The following KCTD8 variants were observed in gnomAD, a reference collection of about 807,000 sequenced individuals.
KCTD8 encodes potassium channel tetramerization domain containing 8, also known as BTB/POZ domain-containing protein KCTD8.
In KCTD8, 27 loss-of-function variants were observed where a neutral mutation model predicts 31.5. The ratio of observed to expected loss-of-function variants is 0.86; its 90% CI spans 0.63 to 1.18. The LOEUF (loss-of-function observed/expected upper bound fraction) is 1.18, where lower values mean the gene tolerates loss of function less well. Among genes scored for constraint, KCTD8 ranks in the 50% most tolerant of loss-of-function variants. The pLI, the probability that KCTD8 is intolerant of heterozygous loss-of-function variation, is 0.00. For synonymous variants in KCTD8, 290 were observed against 280.0 expected (o/e 1.04, Z -0.36); for missense variants, 658 against 647.7 (o/e 1.02, Z -0.17).
intron 1 of KCTD8, among the ~76,000 whole-genome samples, chr4:44,397,340 A>G (rs76424389): frequency 0.067 from 10,213 of 152,226 alleles, 429 homozygotes; most frequent in South Asian, 0.11. Context: ...TCTAATACTC[A>G]TATACGTATA....
chr4:44,314,245 G>GA (rs914598499), intron 1 of KCTD8, among the ~76,000 whole-genome samples: 2 of 152,184 alleles, frequency 1.3e-5, no homozygotes, highest in African/African-American at 2.4e-5. Context: ...TTATTGGTGA[G>GA]AAAAAACAGA....
At chr4:44,360,382 G>A (rs17460995) in intron 1 of KCTD8, among the ~76,000 whole-genome samples, 12 of 151,888 alleles carry the variant, frequency 7.9e-5, no homozygotes, top group Non-Finnish European at 1.3e-4. Flanking sequence ...TGCCATCCAG[G>A]GTAAATAATA....
At chr4:44,273,600 T>C (rs28479461) in intron 1 of KCTD8, among the ~76,000 whole-genome samples, 82,812 of 151,634 alleles carry the variant, frequency 0.55, 23,509 homozygotes, top group African/African-American at 0.72. Flanking sequence ...AGAAAAATTT[T>C]CCTAAATTAA....
At chr4:44,409,957 G>A (rs998116303) in intron 1 of KCTD8, among the ~76,000 whole-genome samples, 3 of 152,032 alleles carry the variant, frequency 2.0e-5, no homozygotes, top group Non-Finnish European at 2.9e-5. Context: ...AGTTTCCTCA[G>A]CCTTACATAT....
chr4:44,272,602 C>T (rs1454786166), intron 1 of KCTD8, among the ~76,000 whole-genome samples: 1 of 152,026 alleles, frequency 6.6e-6, no homozygotes, highest in East Asian at 1.9e-4. Flanking sequence ...TAACAATAAA[C>T]TCTCACACAT....
At chr4:44,337,403 C>T (rs1027475212) in intron 1 of KCTD8, among the ~76,000 whole-genome samples, 11 of 151,852 alleles carry the variant, frequency 7.2e-5, no homozygotes, top group Non-Finnish European at 8.8e-5. Flanking sequence ...CAGCTGGGCA[C>T]GGTGGTTCAC....
chr4:44,273,368 A>T (rs977570017), intron 1 of KCTD8, among the ~76,000 whole-genome samples: 4 of 152,006 alleles, frequency 2.6e-5, no homozygotes, highest in African/African-American at 9.7e-5. Context: ...TATGTACATT[A>T]ACAAAGCTGT....
At chr4:44,442,447 C>T (rs1261728353) in intron 1 of KCTD8, among the ~76,000 whole-genome samples, 4 of 151,934 alleles carry the variant, frequency 2.6e-5, no homozygotes, top group East Asian at 3.9e-4. Flanking sequence ...ATTAGCTGGG[C>T]GTGGTGGCAG....
intron 1 of KCTD8, among the ~76,000 whole-genome samples, chr4:44,310,389 G>C (rs1717916516): frequency 6.6e-6 from 1 of 152,014 alleles, no homozygotes; most frequent in South Asian, 2.1e-4. Flanking sequence ...TGGGAGCAGA[G>C]AGATTTATGA....
At chr4:44,226,992 C>T (rs569524484) in intron 1 of KCTD8, among the ~76,000 whole-genome samples, 1 of 152,072 alleles carries the variant, frequency 6.6e-6, no homozygotes, top group Non-Finnish European at 1.5e-5. Flanking sequence ...TTTAGGTTGC[C>T]TGTTCACTCT....
intron 1 of KCTD8, among the ~76,000 whole-genome samples, chr4:44,251,767 C>T (rs189878764): frequency 6.6e-6 from 1 of 151,092 alleles, no homozygotes; most frequent in East Asian, 2.0e-4. Context: ...TAAGGAGAGA[C>T]TTTTCTATTC....
intron 1 of KCTD8, among the ~76,000 whole-genome samples, chr4:44,420,391 C>T (rs73247553): frequency 0.16 from 24,750 of 151,958 alleles, 2,214 homozygotes; most frequent in Non-Finnish European, 0.2. Flanking sequence ...CGTGGACAAT[C>T]GAAAGAAAAA....
chr4:44,298,459 G>C (rs932168771), intron 1 of KCTD8, among the ~76,000 whole-genome samples: 1 of 151,632 alleles, frequency 6.6e-6, no homozygotes, highest in Non-Finnish European at 1.5e-5. Flanking sequence ...AGATGAACTG[G>C]GGGAAAAGGA....
intron 1 of KCTD8, among the ~76,000 whole-genome samples, chr4:44,189,197 T>C (rs1369956864): frequency 6.6e-6 from 1 of 152,216 alleles, no homozygotes; most frequent in Non-Finnish European, 1.5e-5. Flanking sequence ...CAGAATATTG[T>C]ACTGCAAATC....
intron 1 of KCTD8, among the ~76,000 whole-genome samples, chr4:44,264,294 G>C (rs1032808300): frequency 6.6e-6 from 1 of 152,068 alleles, no homozygotes; most frequent in Non-Finnish European, 1.5e-5. Context: ...CCTAATATTT[G>C]GGTCAGAATT....
intron 1 of KCTD8, among the ~76,000 whole-genome samples, chr4:44,223,937 A>C (rs1159728815): frequency 2.0e-5 from 3 of 152,196 alleles, no homozygotes; most frequent in African/African-American, 7.2e-5. Context: ...GTAAGCCTGA[A>C]ATATTTATTA....
chr4:44,227,763 TTTCCCTCACTCTTAAGATGCAA>T (rs1715007163), intron 1 of KCTD8, among the ~76,000 whole-genome samples: 2 of 152,204 alleles, frequency 1.3e-5, no homozygotes, highest in East Asian at 3.9e-4. Flanking sequence ...GATTCTTTCC[TTTCCCTCACTCTTAAGATGCAA>T]TTCACCTACA....
intron 1 of KCTD8, among the ~76,000 whole-genome samples, chr4:44,279,617 G>C (rs963186385): frequency 2.0e-5 from 3 of 151,980 alleles, no homozygotes; most frequent in Non-Finnish European, 4.4e-5. Flanking sequence ...CACATACACA[G>C]CATATTCATG....
chr4:44,176,067 G>T (rs1713205576), intron 1 of KCTD8, among the ~76,000 whole-genome samples: 1 of 152,070 alleles, frequency 6.6e-6, no homozygotes, highest in African/African-American at 2.4e-5. Flanking sequence ...GTGGGATTAG[G>T]ATCTCCATTT....
Sources: allele counts gnomAD v4.1 joint callset (sites outside exome capture counted in the v4.1 genomes callset), GRCh38; gene constraint gnomAD v4.1.1; transcripts MANE v1.5; gene names NCBI Gene and HGNC (gene_info 2026-07-23, HGNC 2026-07-21).